CNTN2: variants seen among roughly 807,000 people sequenced by gnomAD.
CNTN2 encodes contactin-2.
CNTN2 carries 53 observed loss-of-function variants against 117.5 expected under a neutral mutation model. The observed-to-expected ratio is 0.45, with a 90% CI of 0.36 to 0.57. The LOEUF is 0.57. Among genes scored for constraint, CNTN2 ranks in the 20% least tolerant of loss-of-function variants. CNTN2 has a pLI of 0.00. For synonymous variants in CNTN2, 530 were observed against 561.7 expected (o/e 0.94, Z 0.80); for missense variants, 1,106 against 1,404.3 (o/e 0.79, Z 3.39).
chr1:205,048,833 G>A lies in CNTN2; in HGVS notation c.-86-4267G>A, dbSNP rs144378475. Among the ~76,000 whole-genome samples the A allele has an allele frequency of 2.4e-3, 364 of 152,112 alleles. 2 individuals are homozygous for A. Among genetic ancestry groups the A allele is most frequent in the African/African-American group, 8.2e-3 (340 of 41,466 alleles). ...GGTCAATAAACACTGTGATGGAAAT[G>A]GATGCAGGGCAAGACTGGACGCCAA... On this transcript the variant is annotated intron_variant, in intron 1 of 22. Coordinates refer to ENST00000331830, the MANE Select transcript of CNTN2 (RefSeq NM_005076.5). The surrounding 1 kb of genome is among the most constrained non-coding windows in gnomAD (Gnocchi z 4.1).
Position 205,069,877 on chromosome 1 carries a change from C to G in CNTN2, c.2247C>G (p.Ser749=). The G allele has an allele frequency of 6.2e-7, 1 of 1,613,852 alleles. No individual in the cohort carries two copies. Among genetic ancestry groups the G allele is most frequent in the Non-Finnish European group, 8.5e-7 (1 of 1,180,016 alleles). Residue 749 remains serine (S), a synonymous_variant, in exon 18 of 23, where the codon TCC becomes TCG. Coordinates refer to ENST00000331830, the MANE Select transcript of CNTN2 (RefSeq NM_005076.5). ...QNGDGFGYLL[S]FRRQGSTHWQ... is the part of the protein sequence containing the mutation. Reference sequence around the variant, plus strand: ...GAGACGGCTTCGGCTACCTGCTGTCCTTCCGCAGGCAGGGCAGCACTCACT... The same window carrying G: ...GAGACGGCTTCGGCTACCTGCTGTCGTTCCGCAGGCAGGGCAGCACTCACT...
At chr1:205,062,306 T>C in intron 9 of CNTN2, 134 bp from the exon 10 acceptor site, 3 of 1,265,346 alleles carry the variant, frequency 2.4e-6, no homozygotes, top group Non-Finnish European at 3.2e-6. Flanking sequence ...AGCCCTGAGG[T>C]AGGACTGGAC....
Position 205,062,182 on chromosome 1 carries a change from GGCCTGGAT to G in CNTN2, c.1110+182_1110+189del, listed in dbSNP as rs1654024975. ...ATCCCAGTCCCATTGTCACAGGCTA[GGCCTGGAT>G]CCAGGCACAGTTCAGCCACAAAAGA... is the stretch of plus-strand genomic sequence containing the variant. On this transcript the variant is annotated intron_variant, in intron 9 of 22. Transcript: ENST00000331830. 1.0e-5 allele frequency: 9 copies of G among 877,718 alleles called. 1 individual carries two copies. In the African/African-American group the frequency reaches 1.2e-4, roughly 12 times the overall value. 54.4% of individuals were successfully genotyped at this position (877,718 alleles called of 1,614,324 possible). A position where few individuals can be genotyped will look rare whatever the true frequency, so the allele number is the denominator to read the frequency against.
At chr1:205,044,232 G>GC (rs1157850314) in intron 1 of CNTN2, among the ~76,000 whole-genome samples, 1 of 152,132 alleles carries the variant, frequency 6.6e-6, no homozygotes, top group Non-Finnish European at 1.5e-5. Flanking sequence ...CAATCCTTCT[G>GC]CCCAGCACCG....
intron 16 of CNTN2, chr1:205,067,961 A>T (rs979756734): frequency 1.3e-5 from 2 of 152,608 alleles, no homozygotes; most frequent in South Asian, 2.0e-4. Context: ...AAAAAGAAAG[A>T]AAAAAAGGAA....
Position 205,059,548 on chromosome 1 carries a change from A to C in CNTN2, c.698-35A>C. ...GCACGGGAGCACCTGACCTGGAGTC[A>C]TCTGCATCTGATTTGTAAAACCCTC... On this transcript the variant is annotated intron_variant, in intron 6 of 22. Coordinates refer to ENST00000331830, the MANE Select transcript of CNTN2 (RefSeq NM_005076.5). This position sits in a 1 kb window ranked among gnomAD's most constrained non-coding sequence, Gnocchi z 5.6. 1 of 1,595,498 alleles carries C rather than the reference A, an allele frequency of 6.3e-7. No individual in the cohort carries two copies. Among genetic ancestry groups the C allele is most frequent in the African/African-American group, 1.3e-5 (1 of 74,654 alleles).
chr1:205,064,783 C>T (rs773371921), intron 12 of CNTN2, 33 bp downstream of exon 12: 2 of 1,611,344 alleles, frequency 1.2e-6, no homozygotes, highest in Non-Finnish European at 8.5e-7. Flanking sequence ...GCCGGGGGCT[C>T]AGCCTCCTCA....
intron 1 of CNTN2, among the ~76,000 whole-genome samples, chr1:205,052,779 G>A (rs1172554443): frequency 6.6e-6 from 1 of 152,204 alleles, no homozygotes; most frequent in Non-Finnish European, 1.5e-5. Context: ...AAGAGCTGAC[G>A]GGCGAGACGG....
chr1:205,072,308 C>T (rs1291853486), intron 20 of CNTN2, 175 bp downstream of exon 20: 8 of 810,706 alleles, frequency 9.9e-6, no homozygotes, highest in Middle Eastern at 7.4e-4. Context: ...GCCCCTGAAG[C>T]GTCTCACACT....
At position 205,073,561 on chromosome 1, in the gene CNTN2, C is replaced by A; in HGVS notation, c.3014-95C>A. The A allele has an allele frequency of 9.0e-7, 1 of 1,107,104 alleles. No homozygotes were observed. Among genetic ancestry groups the A allele is most frequent in the Non-Finnish European group, 1.3e-6 (1 of 754,192 alleles). The allele number at this position is 1,107,104 out of a possible 1,614,324, so 68.6% of individuals were successfully genotyped here. A position where few individuals can be genotyped will look rare whatever the true frequency, so the allele number is the denominator to read the frequency against. On this transcript the variant is annotated intron_variant, in intron 22 of 22. Coordinates refer to ENST00000331830, the MANE Select transcript of CNTN2 (RefSeq NM_005076.5). The surrounding 1 kb of genome is among the most constrained non-coding windows in gnomAD (Gnocchi z 6.3). ...CGTCCGCTCCCAGGCCTGCAGCTGG[C>A]CCTGTGAGTCTCCTTAGGAAAGGTC...
At chr1:205,057,878 C>G in intron 2 of CNTN2, 43 bp from the exon 3 acceptor site, 2 of 1,596,172 alleles carry the variant, frequency 1.3e-6, no homozygotes, top group Non-Finnish European at 1.7e-6. Context: ...AGGCTCCAGC[C>G]AGGCCAAGGC....
At position 205,043,319 on chromosome 1, in the gene CNTN2, G is replaced by C. The variant is rs1022423471; in HGVS notation, c.-162G>C. On this transcript the variant is annotated 5_prime_UTR_variant, in exon 1 of 23. Transcript: ENST00000331830. The stretch of plus-strand genomic sequence containing the variant: ...AAGGACAGCGGCCCAGACAGGGGCT[G>C]GCGGCCCGGCCGGCCCCGGCTCACC... The C allele has an allele frequency of 3.9e-4, 60 of 152,488 alleles. No individual in the cohort carries two copies. Among genetic ancestry groups the C allele is most frequent in the Admixed American group, 3.9e-3 (60 of 15,306 alleles). The allele number at this position is 152,488 out of a possible 1,614,324, so 9.4% of individuals were successfully genotyped here.
chr1:205,072,776 T>C (rs992183289), intron 21 of CNTN2, 181 bp downstream of exon 21: 2 of 672,182 alleles, frequency 3.0e-6, no homozygotes, highest in Non-Finnish European at 2.6e-6. Context: ...GTAGAAACTA[T>C]AAAAACGGGC....
At chr1:205,066,684 GTCTGAGGGCCAGGGC>G in intron 15 of CNTN2, 85 bp downstream of exon 15, 1 of 1,493,846 alleles carries the variant, frequency 6.7e-7, no homozygotes, top group Non-Finnish European at 9.1e-7. Context: ...GGGGATCGGG[GTCTGAGGGCCAGGGC>G]TGAGCCTGGA....
rs1166682263 is a variant in CNTN2, at chr1:205,075,878, TG to T, written c.*2115del. The stretch of plus-strand genomic sequence containing the variant: ...CTCTGGCCACGACTTGGCCTGTGCC[TG>T]GTTCTCTATCAGAAAGGGGATGCTG... On this transcript the variant is annotated 3_prime_UTR_variant, in exon 23 of 23. Coordinates refer to ENST00000331830, the MANE Select transcript of CNTN2 (RefSeq NM_005076.5). The T allele has an allele frequency of 2.6e-5, 4 of 152,260 alleles. No individual in the cohort carries two copies. The highest frequency in any genetic ancestry group is 4.4e-5 in the Non-Finnish European group (3 of 68,072). The allele number at this position is 152,260 out of a possible 1,614,324, so 9.4% of individuals were successfully genotyped here.
rs183799891 is a variant in CNTN2, at chr1:205,059,677, T to G, written c.792T>G (p.Phe264Leu). ...AGGTCACCCTGGAGTGCTTCGCCTT[T>G]GGGAAGTGAGTGTGAAGAGGGAGGG... ...GQQVTLECFA[F>L]GNPVPRIKWR... is the part of the protein sequence containing the mutation. The change falls in exon 7 of 23, where the codon TTT becomes TTG. Residue 264 changes from phenylalanine to leucine, a missense_variant. Physicochemically the swap from Phe to Leu is conservative, Grantham distance 22. Transcript: ENST00000331830. This position sits in a 1 kb window ranked among gnomAD's most constrained non-coding sequence, Gnocchi z 5.6. 10 of 1,612,132 alleles carry G rather than the reference T, an allele frequency of 6.2e-6. No homozygotes were observed. Among genetic ancestry groups the G allele is most frequent in the Non-Finnish European group, 7.6e-6 (9 of 1,179,490 alleles).
At chr1:205,052,282 G>A (rs1434247929) in intron 1 of CNTN2, among the ~76,000 whole-genome samples, 2 of 152,178 alleles carry the variant, frequency 1.3e-5, no homozygotes, top group Non-Finnish European at 2.9e-5. Context: ...GGGAGTGAAC[G>A]GGGAGGCTGG....
In CNTN2 at chr1:205,073,896, T is replaced by A; in HGVS notation, c.*131T>A. On this transcript the variant is annotated 3_prime_UTR_variant, in exon 23 of 23. Coordinates refer to ENST00000331830, the MANE Select transcript of CNTN2 (RefSeq NM_005076.5). The surrounding 1 kb of genome is among the most constrained non-coding windows in gnomAD (Gnocchi z 6.3). The stretch of plus-strand genomic sequence containing the variant: ...GGTTTTAAATACCTACTTTAAACAG[T>A]GCCCTTTTTGTAGGAGGTAGGATAT... The A allele has an allele frequency of 1.5e-6, 1 of 678,650 alleles. No homozygotes were observed. The highest frequency in any genetic ancestry group is 1.7e-5 in the South Asian group (1 of 58,370). 42.0% of individuals were successfully genotyped at this position (678,650 alleles called of 1,614,324 possible).
At chr1:205,052,749 T>C (rs1040825955) in intron 1 of CNTN2, among the ~76,000 whole-genome samples, 3 of 152,198 alleles carry the variant, frequency 2.0e-5, no homozygotes, top group African/African-American at 7.2e-5. Context: ...ACAAGTCCTG[T>C]TCTCTTCCGG....
Sources: allele counts gnomAD v4.1 joint callset (sites outside exome capture counted in the v4.1 genomes callset), GRCh38; gene constraint gnomAD v4.1.1; non-coding constraint Gnocchi (gnomAD v3.1); transcripts MANE v1.5; gene names NCBI Gene and HGNC (gene_info 2026-07-23, HGNC 2026-07-21).